FBN1: variants seen among roughly 807,000 people sequenced by gnomAD.
FBN1 encodes fibrillin 1, also known as fibrillin-1.
FBN1 carries 29 observed loss-of-function variants against 365.1 expected under a neutral mutation model. That is an observed-to-expected ratio of 0.08 (90% CI 0.06 to 0.11). The LOEUF is 0.11. FBN1 is among the 10% of genes least tolerant of loss of function. The probability of loss-of-function intolerance (pLI) is 1.00; values close to 1 mark genes in which losing one functional copy is unlikely to be tolerated. For missense variants in FBN1, 2,476 were observed against 3,703.2 expected (o/e 0.67, Z 8.60); for synonymous variants, 1,210 against 1,270.5 (o/e 0.95, Z 1.01).
chr15:48,470,878 G>T (rs931963800), intron 35 of FBN1, 122 bp from the exon 36 acceptor site: 2 of 1,102,082 alleles, frequency 1.8e-6, no homozygotes, highest in Non-Finnish European at 2.7e-6. Flanking sequence ...ACACCAATCT[G>T]GGCACTTCTC....
At chr15:48,560,271 T>C (rs1461883833) in intron 6 of FBN1, among the ~76,000 whole-genome samples, 2 of 152,090 alleles carry the variant, frequency 1.3e-5, no homozygotes, top group Non-Finnish European at 2.9e-5. Context: ...AAAATAACAA[T>C]AATAATAAGG....
At chr15:48,576,114 C>T (rs1475047871) in intron 6 of FBN1, among the ~76,000 whole-genome samples, 1 of 152,142 alleles carries the variant, frequency 6.6e-6, no homozygotes, top group African/African-American at 2.4e-5. Flanking sequence ...CAACAAAACA[C>T]CTTGGAAAAC....
intron 62 of FBN1, 145 bp from the exon 63 acceptor site, chr15:48,420,951 G>T: frequency 1.1e-6 from 1 of 912,432 alleles, no homozygotes. Context: ...TGGAACTGCT[G>T]CTAAGTCCAA....
intron 17 of FBN1, among the ~76,000 whole-genome samples, chr15:48,499,715 C>T (rs2043638963): frequency 6.6e-6 from 1 of 151,920 alleles, no homozygotes; most frequent in South Asian, 2.1e-4. Flanking sequence ...AAAATTAATA[C>T]CATGTTTTAT....
intron 6 of FBN1, among the ~76,000 whole-genome samples, chr15:48,550,094 G>A (rs1044087563): frequency 1.3e-5 from 2 of 152,202 alleles, no homozygotes; most frequent in Admixed American, 6.5e-5. Flanking sequence ...AGGCCTGCAC[G>A]CCAGTCTCAG....
At chr15:48,577,907 A>G (rs915605785) in intron 6 of FBN1, among the ~76,000 whole-genome samples, 1 of 152,210 alleles carries the variant, frequency 6.6e-6, no homozygotes, top group African/African-American at 2.4e-5. Flanking sequence ...TTGTTGTAAA[A>G]GCAGTCTTCA....
rs1555396428 is a variant in FBN1, at chr15:48,456,690, C to T, written c.5369G>A (p.Arg1790Gln). 5 of 1,613,950 alleles carry T rather than the reference C, an allele frequency of 3.1e-6. No homozygotes were observed. Among genetic ancestry groups the T allele is most frequent in the Non-Finnish European group, 3.4e-6 (4 of 1,179,876 alleles). The change falls in exon 44 of 66, where the codon CGA becomes CAA. Residue 1790 changes from arginine to glutamine, a missense_variant. Physicochemically the swap from Arg to Gln is conservative, Grantham distance 43. Coordinates refer to ENST00000316623, the MANE Select transcript of FBN1 (RefSeq NM_000138.5). ...GVCINMVGSF[R>Q]CECPVGFFYN... Reference sequence around the variant, plus strand: ...GAAGAATCCCACTGGACATTCACATCGGAAGCTGCCAACCATGTTGATACA... The same window carrying T: ...GAAGAATCCCACTGGACATTCACATTGGAAGCTGCCAACCATGTTGATACA...
At chr15:48,530,915 T>C (rs1354306864) in intron 8 of FBN1, among the ~76,000 whole-genome samples, 1 of 152,202 alleles carries the variant, frequency 6.6e-6, no homozygotes, top group Non-Finnish European at 1.5e-5. Context: ...TAGTGGTTAA[T>C]TAGGAATCCA....
chr15:48,578,859 G>A (rs1372337266), intron 6 of FBN1, among the ~76,000 whole-genome samples: 1 of 108,380 alleles, frequency 9.2e-6, no homozygotes, highest in Non-Finnish European at 1.8e-5. Context: ...ACTGTTGTGG[G>A]GTGGGGGGAG....
intron 6 of FBN1, among the ~76,000 whole-genome samples, chr15:48,547,535 T>C (rs1436250517): frequency 1.3e-5 from 2 of 152,198 alleles, no homozygotes; most frequent in African/African-American, 4.8e-5. Context: ...GTTCAGCCAT[T>C]ATTAACCACA....
intron 2 of FBN1, among the ~76,000 whole-genome samples, chr15:48,618,490 A>C (rs943192131): frequency 5.9e-5 from 9 of 152,192 alleles, no homozygotes; most frequent in African/African-American, 2.2e-4. Flanking sequence ...GTCTCCCAGT[A>C]GTGATGTGAA....
intron 24 of FBN1, among the ~76,000 whole-genome samples, chr15:48,491,724 C>A (rs1029250582): frequency 9.2e-5 from 14 of 152,168 alleles, no homozygotes; most frequent in African/African-American, 3.4e-4. Context: ...ATGCAAAGTA[C>A]AGGTAAGCAT....
intron 58 of FBN1, among the ~76,000 whole-genome samples, chr15:48,426,720 C>T (rs187807296): frequency 6.6e-6 from 1 of 152,186 alleles, no homozygotes; most frequent in Non-Finnish European, 1.5e-5. Flanking sequence ...CAATTTAGCA[C>T]ACTCTTATTG....
chr15:48,448,662 T>C (rs1444297193), intron 46 of FBN1, 106 bp downstream of exon 46: 18 of 1,100,734 alleles, frequency 1.6e-5, no homozygotes, highest in Non-Finnish European at 2.1e-5. Context: ...ATTTTGTATA[T>C]AGCAAAAATA....
At chr15:48,620,237 G>A (rs1246324450) in intron 2 of FBN1, among the ~76,000 whole-genome samples, 1 of 152,220 alleles carries the variant, frequency 6.6e-6, no homozygotes, top group Non-Finnish European at 1.5e-5. Flanking sequence ...AGACTGGGAA[G>A]AGAGATGAAG....
intron 8 of FBN1, among the ~76,000 whole-genome samples, chr15:48,528,227 T>C (rs2043933012): frequency 6.6e-6 from 1 of 152,156 alleles, no homozygotes; most frequent in African/African-American, 2.4e-5. Flanking sequence ...ATCTAAAAGG[T>C]TTAAATGACA....
chr15:48,572,924 C>G (rs1032533461), intron 6 of FBN1, among the ~76,000 whole-genome samples: 10 of 151,962 alleles, frequency 6.6e-5, no homozygotes, highest in Non-Finnish European at 1.0e-4. Context: ...AAACAAGAGG[C>G]GAAGGGCTCC....
intron 6 of FBN1, among the ~76,000 whole-genome samples, chr15:48,588,041 T>C (rs1404175489): frequency 1.3e-5 from 2 of 152,182 alleles, no homozygotes; most frequent in African/African-American, 4.8e-5. Context: ...GAAAGAAAAC[T>C]GGAAATCTAG....
At position 48,580,275 on chromosome 15, in the gene FBN1, G is replaced by A. The variant is rs1566931483; in HGVS notation, c.538+16008C>T. Among the ~76,000 whole-genome samples, 3 of 152,264 alleles carry A rather than the reference G, an allele frequency of 2.0e-5. No individual in the cohort carries two copies. In the East Asian group the frequency reaches 5.8e-4, roughly 29 times the overall value. On this transcript the variant is annotated intron_variant, in intron 6 of 65. Coordinates refer to ENST00000316623, the MANE Select transcript of FBN1 (RefSeq NM_000138.5). The stretch of plus-strand genomic sequence containing the variant: ...GACATTTGTATTTCTTGGGGCAACT[G>A]AAGAACACCTTTTTAAAGTTTGCCA...
Sources: allele counts gnomAD v4.1 joint callset (sites outside exome capture counted in the v4.1 genomes callset), GRCh38; gene constraint gnomAD v4.1.1; transcripts MANE v1.5; gene names NCBI Gene and HGNC (gene_info 2026-07-23, HGNC 2026-07-21).